The following PIP5K1B variants were observed in gnomAD, a reference collection of about 807,000 sequenced individuals.
The protein encoded by PIP5K1B is phosphatidylinositol-4-phosphate 5-kinase type 1 beta.
PIP5K1B carries 42 observed loss-of-function variants against 67.0 expected under a neutral mutation model. The ratio of observed to expected loss-of-function variants is 0.63; its 90% CI spans 0.49 to 0.81. The LOEUF is 0.81. Ranked by LOEUF, PIP5K1B falls within the 30% of genes least tolerant of loss-of-function variation. The pLI, the probability that PIP5K1B is intolerant of heterozygous loss-of-function variation, is 0.00. For missense variants in PIP5K1B, 459 were observed against 646.3 expected (o/e 0.71, Z 3.14); for synonymous variants, 214 against 231.4 (o/e 0.92, Z 0.68).
chr9:68,978,741 C>T (rs919438517), intron 14 of PIP5K1B, among the ~76,000 whole-genome samples: 2 of 152,148 alleles, frequency 1.3e-5, no homozygotes, highest in Non-Finnish European at 2.9e-5. Flanking sequence ...AGTAAAAATG[C>T]AGAAATCTTT....
At chr9:68,715,843 C>G (rs1294763661) in intron 1 of PIP5K1B, among the ~76,000 whole-genome samples, 1 of 152,220 alleles carries the variant, frequency 6.6e-6, no homozygotes, top group Admixed American at 6.5e-5. Context: ...ATTACCACTG[C>G]CTAATTTCAC....
intron 2 of PIP5K1B, among the ~76,000 whole-genome samples, chr9:68,801,908 G>A (rs1375715439): frequency 2.6e-5 from 4 of 152,200 alleles, no homozygotes; most frequent in Non-Finnish European, 4.4e-5. Context: ...GGAAACAGGC[G>A]ATAGAGAGTG....
chr9:68,828,256 G>A (rs1473485070), intron 4 of PIP5K1B, among the ~76,000 whole-genome samples: 1 of 152,192 alleles, frequency 6.6e-6, no homozygotes, highest in Non-Finnish European at 1.5e-5. Context: ...GGCCTCCACT[G>A]GGAGATTCTG....
intron 2 of PIP5K1B, chr9:68,780,714 A>G: frequency 6.2e-7 from 1 of 1,614,116 alleles, no homozygotes. Context: ...CCGATTTACC[A>G]CCCGGAGAAG....
chr9:68,800,855 T>G (rs185173771), intron 2 of PIP5K1B, among the ~76,000 whole-genome samples: 38 of 152,324 alleles, frequency 2.5e-4, no homozygotes, highest in Non-Finnish European at 1.8e-4. Flanking sequence ...CTCCAAATTC[T>G]CCATGACTGT....
intron 2 of PIP5K1B, among the ~76,000 whole-genome samples, chr9:68,772,331 A>G (rs1450598067): frequency 6.6e-6 from 1 of 152,158 alleles, no homozygotes; most frequent in Non-Finnish European, 1.5e-5. Context: ...GCTGGGTTCA[A>G]CCTGTTTGTC....
chr9:68,925,986 G>A (rs1435851048), intron 12 of PIP5K1B, among the ~76,000 whole-genome samples: 1 of 151,354 alleles, frequency 6.6e-6, no homozygotes, highest in Non-Finnish European at 1.5e-5. Context: ...AGTAAAGATG[G>A]GGTTTCGTCG....
intron 14 of PIP5K1B, among the ~76,000 whole-genome samples, chr9:68,957,079 T>C (rs1040784674): frequency 6.6e-6 from 1 of 152,212 alleles, no homozygotes; most frequent in Non-Finnish European, 1.5e-5. Context: ...AGTGACACTC[T>C]TATGTATCCA....
At chr9:68,899,093 G>T (rs2132431223) in intron 8 of PIP5K1B, among the ~76,000 whole-genome samples, 1 of 152,188 alleles carries the variant, frequency 6.6e-6, no homozygotes, top group Admixed American at 6.5e-5. Flanking sequence ...CCTCTCCTCT[G>T]ATACAGATCC....
chr9:68,787,692 G>T (rs535268729), intron 2 of PIP5K1B, among the ~76,000 whole-genome samples: 2 of 152,096 alleles, frequency 1.3e-5, no homozygotes, highest in East Asian at 3.9e-4. Flanking sequence ...GAGTGCAGGG[G>T]TGCAATCTTG....
intron 2 of PIP5K1B, among the ~76,000 whole-genome samples, chr9:68,758,662 C>T (rs1830050699): frequency 6.6e-6 from 1 of 151,596 alleles, no homozygotes; most frequent in Non-Finnish European, 1.5e-5. Context: ...GCATCAGAAC[C>T]CCAGGAAAAG....
intron 3 of PIP5K1B, among the ~76,000 whole-genome samples, chr9:68,819,423 G>T (rs1248658580): frequency 1.3e-5 from 2 of 152,106 alleles, no homozygotes; most frequent in Non-Finnish European, 2.9e-5. Context: ...ATAGGTGCAA[G>T]ACATTGAACC....
chr9:68,776,735 A>C (rs974908148), intron 2 of PIP5K1B, among the ~76,000 whole-genome samples: 1 of 152,230 alleles, frequency 6.6e-6, no homozygotes, highest in African/African-American at 2.4e-5. Flanking sequence ...GTGGCTTCAC[A>C]GTGAGAATGA....
chr9:68,897,049 C>T (rs1007817854), intron 8 of PIP5K1B, among the ~76,000 whole-genome samples: 8 of 152,128 alleles, frequency 5.3e-5, no homozygotes, highest in African/African-American at 9.7e-5. Flanking sequence ...TGGTTGACAT[C>T]GCCCCAATAT....
At chr9:68,989,612 ATAACTTTGAT>A (rs1830270384) in intron 14 of PIP5K1B, among the ~76,000 whole-genome samples, 1 of 152,010 alleles carries the variant, frequency 6.6e-6, no homozygotes, top group Admixed American at 6.6e-5. Flanking sequence ...GGTTAAAAAC[ATAACTTTGAT>A]TTTAATGGGG....
chr9:68,774,907 T>A (rs181473110), intron 2 of PIP5K1B, among the ~76,000 whole-genome samples: 13 of 152,346 alleles, frequency 8.5e-5, no homozygotes, highest in Admixed American at 4.6e-4. Context: ...ATAGTATCTT[T>A]TTTCCTTGAT....
At chr9:68,780,718 G>A (rs1831216663) in intron 2 of PIP5K1B, 2 of 1,614,174 alleles carry the variant, frequency 1.2e-6, no homozygotes, top group Non-Finnish European at 1.7e-6. Flanking sequence ...TTTACCACCC[G>A]GAGAAGCCAG....
At chr9:68,937,726 T>C (rs1475502967) in intron 13 of PIP5K1B, among the ~76,000 whole-genome samples, 1 of 152,246 alleles carries the variant, frequency 6.6e-6, no homozygotes, top group Non-Finnish European at 1.5e-5. Context: ...TTTCCTGCTT[T>C]CTCTTGTGGG....
intron 4 of PIP5K1B, among the ~76,000 whole-genome samples, chr9:68,842,276 G>A (rs1821957351): frequency 6.6e-6 from 1 of 152,224 alleles, no homozygotes; most frequent in Non-Finnish European, 1.5e-5. Context: ...AGGGAGGGTG[G>A]ACAGTGGTAC....
Sources: allele counts gnomAD v4.1 joint callset (sites outside exome capture counted in the v4.1 genomes callset), GRCh38; gene constraint gnomAD v4.1.1; transcripts MANE v1.5; gene names NCBI Gene and HGNC (gene_info 2026-07-23, HGNC 2026-07-21).